ROBO2: variants seen among roughly 807,000 people sequenced by gnomAD.
ROBO2 encodes the protein roundabout guidance receptor 2.
A neutral mutation model predicts 160.8 loss-of-function variants in ROBO2; 53 were observed. The ratio of observed to expected loss-of-function variants is 0.33; its 90% CI spans 0.26 to 0.41. ROBO2 has a LOEUF of 0.41. ROBO2 is among the 10% of genes least tolerant of loss of function. The probability of loss-of-function intolerance (pLI) is 1.00; values close to 1 mark genes in which losing one functional copy is unlikely to be tolerated. For missense variants in ROBO2, 1,577 were observed against 1,722.4 expected (o/e 0.92, Z 1.49); for synonymous variants, 664 against 611.7 (o/e 1.09, Z -1.26).
At chr3:77,389,224 G>A (rs961466209) in intron 2 of ROBO2, among the ~76,000 whole-genome samples, 4 of 152,216 alleles carry the variant, frequency 2.6e-5, no homozygotes, top group Non-Finnish European at 5.9e-5. Flanking sequence ...GATTACACGT[G>A]TGAGCCACCA....
chr3:77,493,789 C>T lies in ROBO2; in HGVS notation c.806+407C>T, dbSNP rs187560081. Among the ~76,000 whole-genome samples the T allele has an allele frequency of 2.5e-3, 383 of 152,246 alleles. 3 individuals are homozygous for T. Among genetic ancestry groups the T allele is most frequent in the Middle Eastern group, 0.024 (7 of 294 alleles). On this transcript the variant is annotated intron_variant, in intron 5 of 25. Transcript: ENST00000461745. Reference sequence around the variant, plus strand: ...CCTCTGTGGCCCAAAGCATAACTAACAAAAGACTATTGCATGTGGCTGACT... The same window carrying T: ...CCTCTGTGGCCCAAAGCATAACTAATAAAAGACTATTGCATGTGGCTGACT...
chr3:77,418,549 A>G (rs368214232), intron 2 of ROBO2, among the ~76,000 whole-genome samples: 4 of 152,090 alleles, frequency 2.6e-5, no homozygotes, highest in East Asian at 1.9e-4. Context: ...GAGATTCACT[A>G]TCTCAAATAT....
intron 2 of ROBO2, among the ~76,000 whole-genome samples, chr3:76,706,469 C>G (rs896520050): frequency 6.6e-6 from 1 of 151,616 alleles, no homozygotes; most frequent in Non-Finnish European, 1.5e-5. Context: ...TTTCTGCTCC[C>G]CCTGATCCCT....
At chr3:75,957,194 C>G (rs73125222) in intron 2 of ROBO2, among the ~76,000 whole-genome samples, 1 of 150,836 alleles carries the variant, frequency 6.6e-6, no homozygotes, top group Non-Finnish European at 1.5e-5. Context: ...GTTGGAATTC[C>G]AGGTAACTGT....
chr3:77,298,862 AG>A (rs1403048626), intron 2 of ROBO2, among the ~76,000 whole-genome samples: 1 of 152,174 alleles, frequency 6.6e-6, no homozygotes, highest in East Asian at 1.9e-4. Context: ...TCAGTATGGA[AG>A]ATAAGATATA....
chr3:77,407,548 A>G (rs554857398), intron 2 of ROBO2, among the ~76,000 whole-genome samples: 1 of 152,294 alleles, frequency 6.6e-6, no homozygotes, highest in Non-Finnish European at 1.5e-5. Context: ...TGTGCAAATA[A>G]AGAGAGCTTA....
In ROBO2 at chr3:76,024,066, ATATAT is replaced by A. The variant is rs920288792; in HGVS notation, c.109+86471_109+86475del. Among the ~76,000 whole-genome samples, 26 of 151,594 alleles carry A rather than the reference ATATAT, an allele frequency of 1.7e-4. 1 individual carries two copies. Among genetic ancestry groups the A allele is most frequent in the African/African-American group, 5.5e-4 (23 of 41,490 alleles). On this transcript the variant is annotated intron_variant, in intron 2 of 26. Transcript: ENST00000487694. ...TTTAACATCATCTCATTAGTTATAT[ATATAT>A]TATATTCAGAATGTTTTCTTTAATT...
At chr3:77,344,535 A>G (rs1016961119) in intron 2 of ROBO2, among the ~76,000 whole-genome samples, 5 of 152,162 alleles carry the variant, frequency 3.3e-5, no homozygotes, top group African/African-American at 1.2e-4. Flanking sequence ...GAAACATGCC[A>G]TCTGTGGGCC....
chr3:76,122,899 C>T (rs1189344113), intron 2 of ROBO2, among the ~76,000 whole-genome samples: 2 of 152,038 alleles, frequency 1.3e-5, no homozygotes, highest in African/African-American at 4.8e-5. Context: ...CCTGGATTGC[C>T]ACCACATCCG....
At chr3:77,483,565 C>T (rs2153591446) in intron 4 of ROBO2, among the ~76,000 whole-genome samples, 1 of 151,736 alleles carries the variant, frequency 6.6e-6, no homozygotes, top group East Asian at 1.9e-4. Context: ...CATGGAGCAG[C>T]AATTTCACTT....
intron 2 of ROBO2, among the ~76,000 whole-genome samples, chr3:76,979,624 A>G (rs1044751941): frequency 2.0e-5 from 3 of 149,060 alleles, no homozygotes; most frequent in Non-Finnish European, 4.5e-5. Flanking sequence ...GCGCAGGTAT[A>G]TGTTTGATAT....
chr3:76,588,003 G>T (rs2086164601), intron 2 of ROBO2, among the ~76,000 whole-genome samples: 2 of 152,130 alleles, frequency 1.3e-5, no homozygotes, highest in Admixed American at 1.3e-4. Flanking sequence ...AGAGTTGTTG[G>T]AATGATTACT....
intron 2 of ROBO2, among the ~76,000 whole-genome samples, chr3:76,236,210 G>C (rs1181385110): frequency 1.3e-5 from 2 of 151,734 alleles, no homozygotes; most frequent in South Asian, 2.1e-4. Flanking sequence ...ATGTAGTATA[G>C]ATGTATTCAG....
At chr3:76,333,149 A>C (rs1362711638) in intron 2 of ROBO2, among the ~76,000 whole-genome samples, 1 of 152,208 alleles carries the variant, frequency 6.6e-6, no homozygotes, top group Non-Finnish European at 1.5e-5. Context: ...GCGTTACCAC[A>C]TAACAGCCCT....
intron 2 of ROBO2, among the ~76,000 whole-genome samples, chr3:76,500,885 A>C (rs2080425999): frequency 6.6e-6 from 1 of 152,156 alleles, no homozygotes; most frequent in East Asian, 1.9e-4. Flanking sequence ...AGCATTCCTC[A>C]AAAGAAATGC....
rs141987352 is a variant in ROBO2 at position 77,169,092 on chromosome 3, C to T, written c.388+70752C>T. Among the ~76,000 whole-genome samples, 282 of 152,300 alleles carry T rather than the reference C, an allele frequency of 1.9e-3. 4 individuals are homozygous for T. The highest frequency in any genetic ancestry group is 0.017 in the East Asian group (89 of 5,178). ...TAATATAATGCTCTGATTGCATCCA[C>T]ACGTATGCAAATGGAAACATTCAGA... On this transcript the variant is annotated intron_variant, in intron 2 of 25. Coordinates refer to ENST00000461745, the Ensembl canonical transcript of ROBO2.
At chr3:76,622,023 A>G (rs1473048547) in intron 2 of ROBO2, among the ~76,000 whole-genome samples, 2 of 151,620 alleles carry the variant, frequency 1.3e-5, no homozygotes, top group Admixed American at 1.3e-4. Flanking sequence ...TAGTCTCCTT[A>G]AGACCCTATA....
At chr3:77,395,473 G>A (rs1440491082) in intron 2 of ROBO2, among the ~76,000 whole-genome samples, 2 of 152,096 alleles carry the variant, frequency 1.3e-5, no homozygotes, top group African/African-American at 4.8e-5. Flanking sequence ...GACCAATTCA[G>A]CTTTTAAATT....
At chr3:76,110,824 TTTG>T (rs1230341070) in intron 2 of ROBO2, among the ~76,000 whole-genome samples, 1 of 152,164 alleles carries the variant, frequency 6.6e-6, no homozygotes, top group Admixed American at 6.6e-5. Flanking sequence ...AACTGAAATC[TTTG>T]TTATTTTGAA....
Sources: allele counts gnomAD v4.1 joint callset (sites outside exome capture counted in the v4.1 genomes callset), GRCh38; gene constraint gnomAD v4.1.1; transcripts MANE v1.5; gene names NCBI Gene and HGNC (gene_info 2026-07-23, HGNC 2026-07-21).